ITGA1: variants seen among roughly 807,000 people sequenced by gnomAD.
ITGA1 encodes the protein integrin alpha-1.
In ITGA1, 85 loss-of-function variants were observed where a neutral mutation model predicts 145.9. The observed-to-expected ratio is 0.58, with a 90% CI of 0.49 to 0.70. The LOEUF (loss-of-function observed/expected upper bound fraction) is 0.70. Among genes scored for constraint, ITGA1 ranks in the 30% least tolerant of loss-of-function variants. The pLI, the probability that ITGA1 is intolerant of heterozygous loss-of-function variation, is 0.00. For missense variants in ITGA1, 1,351 were observed against 1,418.7 expected, an observed-to-expected ratio of 0.95 and a Z score of 0.77; for synonymous variants, 520 against 495.3, an observed-to-expected ratio of 1.05 and a Z score of -0.66.
At chr5:52,799,980 T>A (rs977104308) in intron 1 of ITGA1, 2 of 236,640 alleles carry the variant, frequency 8.5e-6, no homozygotes, top group African/African-American at 2.3e-5. Context: ...AGTTCATTCG[T>A]CCGGAGCGCC....
intron 1 of ITGA1, chr5:52,800,441 T>G (rs1209506568): frequency 1.2e-6 from 2 of 1,613,880 alleles, no homozygotes; most frequent in Non-Finnish European, 1.7e-6. Context: ...GCGGGCCAGG[T>G]GACCCTGGTC....
chr5:52,951,554 A>C (rs1751219438), intron 28 of ITGA1, among the ~76,000 whole-genome samples: 1 of 152,184 alleles, frequency 6.6e-6, no homozygotes, highest in Admixed American at 6.5e-5. Context: ...TTTCCAAATG[A>C]TATAGTGTGT....
chr5:52,898,962 C>T (rs1273702054), intron 11 of ITGA1, among the ~76,000 whole-genome samples: 1 of 152,088 alleles, frequency 6.6e-6, no homozygotes, highest in Non-Finnish European at 1.5e-5. Flanking sequence ...ATGTCTGGTA[C>T]CACTTTATTT....
chr5:52,910,389 T>G lies in ITGA1; in HGVS notation c.1827T>G (p.Ser609Arg), dbSNP rs1428594559. Residue 609 changes from serine to arginine, a missense_variant, in exon 14 of 29, where the codon AGT becomes AGG. Coordinates refer to ENST00000282588, the MANE Select transcript of ITGA1 (RefSeq NM_181501.2). ...HGGAVYIYHG[S>R]GKTIRKEYAQ... The stretch of plus-strand genomic sequence containing the variant: ...GAGCTGTGTACATTTATCATGGAAG[T>G]GGCAAGACTATAAGGAAAGAGTATG... The G allele has an allele frequency of 6.2e-7, 1 of 1,613,556 alleles. No individual in the cohort carries two copies. Among genetic ancestry groups the G allele is most frequent in the Admixed American group, 1.7e-5 (1 of 59,956 alleles).
rs137946550 is a variant in ITGA1, at chr5:52,946,250, T to C, written c.3379-1095T>C. Reference sequence around the variant, plus strand: ...GTTTTACATATGTTTAAAATCTGCCTTGCTGGGCTTAGTGGCTCATGTCTG... The same window carrying C: ...GTTTTACATATGTTTAAAATCTGCCCTGCTGGGCTTAGTGGCTCATGTCTG... On this transcript the variant is annotated intron_variant, in intron 27 of 28. Transcript: ENST00000282588. Among the ~76,000 whole-genome samples the C allele has an allele frequency of 5.3e-5, 8 of 152,326 alleles. No individual in the cohort carries two copies. In the East Asian group the frequency reaches 1.2e-3, roughly 22 times the overall value.
chr5:52,923,319 G>A (rs1002715086), intron 18 of ITGA1, among the ~76,000 whole-genome samples: 4 of 151,894 alleles, frequency 2.6e-5, no homozygotes, highest in South Asian at 2.1e-4. Flanking sequence ...TGTTTGCTCC[G>A]TTTTCTCAAT....
At chr5:52,827,339 T>C (rs1748986102) in intron 1 of ITGA1, among the ~76,000 whole-genome samples, 1 of 152,062 alleles carries the variant, frequency 6.6e-6, no homozygotes, top group Non-Finnish European at 1.5e-5. Flanking sequence ...CATGGGTGAG[T>C]AGAGAAAGTG....
At chr5:52,886,392 G>T (rs1750047686) in intron 7 of ITGA1, among the ~76,000 whole-genome samples, 1 of 152,094 alleles carries the variant, frequency 6.6e-6, no homozygotes, top group Non-Finnish European at 1.5e-5. Flanking sequence ...ATCAGTTATG[G>T]TATATTTAGT....
Position 52,849,494 on chromosome 5 carries a change from G to T in ITGA1, c.182+9G>T, listed in dbSNP as rs1252312027. 1.9e-6 allele frequency: 3 copies of T among 1,589,740 alleles called. No individual in the cohort carries two copies. The highest frequency in any genetic ancestry group is 1.7e-6 in the Non-Finnish European group (2 of 1,164,128). On this transcript the variant is annotated intron_variant, in intron 2 of 28. Transcript: ENST00000282588. ...AATGAAGAAGGAAAATGGTAAGCCA[G>T]TGGGTTTTGTTGTTGTTATTTACTT...
At chr5:52,943,309 C>G (rs1579733650) in intron 26 of ITGA1, among the ~76,000 whole-genome samples, 1 of 152,158 alleles carries the variant, frequency 6.6e-6, no homozygotes, top group East Asian at 1.9e-4. Flanking sequence ...GACTGATGTT[C>G]TTCAACTGTG....
At chr5:52,897,178 C>G (rs1020694372) in intron 9 of ITGA1, among the ~76,000 whole-genome samples, 4 of 152,106 alleles carry the variant, frequency 2.6e-5, no homozygotes, top group Non-Finnish European at 5.9e-5. Context: ...CAACATGCTA[C>G]AGTATAAGAA....
intron 2 of ITGA1, among the ~76,000 whole-genome samples, chr5:52,857,797 T>C (rs1426707897): frequency 6.6e-6 from 1 of 152,202 alleles, no homozygotes. Context: ...TGCTCATACA[T>C]GTTCCACATG....
At chr5:52,952,368 A>G in intron 28 of ITGA1, 39 bp from the exon 29 acceptor site, 5 of 1,210,838 alleles carry the variant, frequency 4.1e-6, no homozygotes, top group Non-Finnish European at 5.7e-6. Context: ...ACCTAAATTA[A>G]AATAGTTAAT....
chr5:52,801,473 G>A lies in ITGA1; in HGVS notation c.61+13059G>A, dbSNP rs749226074. The A allele has an allele frequency of 3.1e-6, 5 of 1,614,098 alleles. No homozygotes were observed. In the South Asian group the frequency reaches 5.5e-5, roughly 18 times the overall value. On this transcript the variant is annotated intron_variant, in intron 1 of 28. Coordinates refer to ENST00000282588, the MANE Select transcript of ITGA1 (RefSeq NM_181501.2). ...GCCCTTTGTGACCCTACTGTGGCTA[G>A]CCGCCTTTCAGACACTAAAGCTGCT...
intron 1 of ITGA1, among the ~76,000 whole-genome samples, chr5:52,813,062 G>A (rs1748707984): frequency 6.6e-6 from 1 of 151,980 alleles, no homozygotes. Flanking sequence ...ACTTTTGTGA[G>A]TTTTACACAC....
Position 52,898,240 on chromosome 5 carries a change from A to T in ITGA1, c.1166A>T (p.Asp389Val). The change falls in exon 11 of 29, where the codon GAC becomes GTC. Residue 389 changes from aspartate to valine, a missense_variant and splice_region_variant. By Grantham distance (152) the Asp-to-Val change is radical (BLOSUM62 -3). Coordinates refer to ENST00000282588, the MANE Select transcript of ITGA1 (RefSeq NM_181501.2). The stretch of plus-strand genomic sequence containing the variant: ...TTATCTTATTTATTTGCATGTAAGG[A>T]CTGGGTCATGCTTGGAGCAGTAGGA... Reference protein sequence around the residue: ...QTGFSAHYSQDWVMLGAVGAY... With the variant: ...QTGFSAHYSQVWVMLGAVGAY... 2 of 1,551,510 alleles carry T rather than the reference A, an allele frequency of 1.3e-6. No homozygotes were observed. Among genetic ancestry groups the T allele is most frequent in the Non-Finnish European group, 1.7e-6 (2 of 1,150,514 alleles).
chr5:52,946,636 C>T (rs958205244), intron 27 of ITGA1, among the ~76,000 whole-genome samples: 1 of 151,914 alleles, frequency 6.6e-6, no homozygotes, highest in African/African-American at 2.4e-5. Flanking sequence ...TTTTCAAATC[C>T]CCCAGGGATG....
chr5:52,808,672 C>CT lies in ITGA1; in HGVS notation c.61+20261dup, dbSNP rs1440077635. ...ATTCTTTTTTTCTTTTTCTTTCTTT[C>CT]TTTCTTTTTTTTTTTTTTTTTTTTT... On this transcript the variant is annotated intron_variant, in intron 1 of 28. Transcript: ENST00000282588. Among the ~76,000 whole-genome samples the CT allele has an allele frequency of 1.2e-4, 5 of 42,358 alleles. No homozygotes were observed. In the East Asian group the frequency reaches 2.6e-3, roughly 22 times the overall value. 27.8% of individuals were successfully genotyped at this position (42,358 alleles called of 152,430 possible). A position where few individuals can be genotyped will look rare whatever the true frequency, so the allele number is the denominator to read the frequency against.
At chr5:52,947,548 T>G in intron 28 of ITGA1, 87 bp downstream of exon 28, 1 of 768,682 alleles carries the variant, frequency 1.3e-6, no homozygotes. Flanking sequence ...GACTATGTAA[T>G]ATAGTATTAT....
Sources: gnomAD v4.1 joint callset for allele counts (sites outside exome capture counted in the v4.1 genomes callset) on GRCh38, gnomAD v4.1.1 for gene constraint, MANE v1.5 for transcripts, NCBI Gene and HGNC (gene_info 2026-07-23, HGNC 2026-07-21) for gene names.